The following FILIP1L variants were observed in gnomAD, a reference collection of about 807,000 sequenced individuals.
FILIP1L encodes the protein filamin A interacting protein 1 like, also known as filamin A-interacting protein 1-like.
A neutral mutation model predicts 96.6 loss-of-function variants in FILIP1L; 55 were observed. That is an observed-to-expected ratio of 0.57 (90% CI 0.46 to 0.71). FILIP1L has a LOEUF of 0.71. FILIP1L is among the 30% of genes least tolerant of loss of function. The pLI is 0.00. For synonymous variants in FILIP1L, 467 were observed against 473.9 expected (o/e 0.99, Z 0.19); for missense variants, 1,304 against 1,321.2 (o/e 0.99, Z 0.20).
chr3:100,036,911 A>C (rs1485032557), intron 1 of FILIP1L, among the ~76,000 whole-genome samples: 1 of 152,184 alleles, frequency 6.6e-6, no homozygotes, highest in African/African-American at 2.4e-5. Flanking sequence ...CCAAATATGC[A>C]TAATTAATTT....
At chr3:100,094,840 C>T (rs2066175896) in intron 1 of FILIP1L, among the ~76,000 whole-genome samples, 2 of 151,960 alleles carry the variant, frequency 1.3e-5, no homozygotes, top group South Asian at 4.1e-4. Flanking sequence ...CCTGCCACCA[C>T]ACCTGGCAAT....
chr3:100,069,761 T>A (rs2065728957), intron 1 of FILIP1L, among the ~76,000 whole-genome samples: 1 of 152,120 alleles, frequency 6.6e-6, no homozygotes, highest in Admixed American at 6.5e-5. Context: ...AATTTCAGAA[T>A]TTGTGGTAAG....
intron 1 of FILIP1L, among the ~76,000 whole-genome samples, chr3:99,951,995 A>G (rs1708189742): frequency 6.6e-6 from 1 of 152,054 alleles, no homozygotes; most frequent in Non-Finnish European, 1.5e-5. Context: ...CTGCCCCCAC[A>G]CCCTTAGTTG....
chr3:99,876,317 A>C, intron 4 of FILIP1L: 1 of 545,670 alleles, frequency 1.8e-6, no homozygotes, highest in Non-Finnish European at 2.3e-6. Context: ...CACACACCCC[A>C]GCTCCCGCGG....
intron 1 of FILIP1L, among the ~76,000 whole-genome samples, chr3:99,988,939 T>C (rs1365052312): frequency 6.6e-6 from 1 of 152,220 alleles, no homozygotes; most frequent in African/African-American, 2.4e-5. Context: ...TTTTCAAATT[T>C]CTGTACGGAA....
At chr3:100,016,447 A>G (rs1288731428) in intron 1 of FILIP1L, among the ~76,000 whole-genome samples, 7 of 152,138 alleles carry the variant, frequency 4.6e-5, no homozygotes, top group African/African-American at 1.7e-4. Flanking sequence ...CACCTCGGAA[A>G]GTGCTGGGAT....
intron 1 of FILIP1L, among the ~76,000 whole-genome samples, chr3:100,106,872 T>C (rs1264594863): frequency 1.3e-5 from 2 of 152,146 alleles, no homozygotes; most frequent in Non-Finnish European, 2.9e-5. Flanking sequence ...TTTTTAAAAA[T>C]ATGCAGAAAG....
At chr3:99,851,136 A>G in intron 4 of FILIP1L, 66 bp from the exon 5 acceptor site, 1 of 1,241,516 alleles carries the variant, frequency 8.1e-7, no homozygotes, top group South Asian at 1.6e-5. Context: ...ATGTACTTAA[A>G]TATATATGTA....
intron 4 of FILIP1L, among the ~76,000 whole-genome samples, chr3:99,883,406 T>C (rs1325714812): frequency 6.6e-6 from 1 of 152,204 alleles, no homozygotes; most frequent in Non-Finnish European, 1.5e-5. Flanking sequence ...ATTTTAGTCT[T>C]TTCACACCCT....
At chr3:99,882,465 A>T (rs920832512) in intron 4 of FILIP1L, among the ~76,000 whole-genome samples, 4 of 152,244 alleles carry the variant, frequency 2.6e-5, no homozygotes, top group Admixed American at 6.5e-5. Flanking sequence ...AAATGAACAA[A>T]TTAAGAGTAA....
intron 4 of FILIP1L, among the ~76,000 whole-genome samples, chr3:99,855,288 G>A (rs1039770993): frequency 4.6e-5 from 7 of 152,122 alleles, no homozygotes; most frequent in Non-Finnish European, 1.0e-4. Flanking sequence ...GCATACCATA[G>A]TTGGTGGGTC....
intron 1 of FILIP1L, among the ~76,000 whole-genome samples, chr3:99,989,680 ATATAT>A (rs991210049): frequency 1.4e-4 from 19 of 133,506 alleles, no homozygotes; most frequent in African/African-American, 6.0e-4. Context: ...ATATATATAT[ATATAT>A]TTTTTTTCTT....
At chr3:100,047,488 T>C (rs1004787438) in intron 1 of FILIP1L, among the ~76,000 whole-genome samples, 4 of 152,212 alleles carry the variant, frequency 2.6e-5, no homozygotes, top group African/African-American at 9.7e-5. Context: ...ATACCATTAT[T>C]ATTCATAACC....
At chr3:100,102,673 A>G (rs2066330251) in intron 1 of FILIP1L, among the ~76,000 whole-genome samples, 1 of 152,222 alleles carries the variant, frequency 6.6e-6, no homozygotes, top group Non-Finnish European at 1.5e-5. Context: ...CTTTGCATTC[A>G]GTAGTTACTC....
chr3:100,028,498 T>C (rs955320327), intron 1 of FILIP1L, among the ~76,000 whole-genome samples: 1 of 152,186 alleles, frequency 6.6e-6, no homozygotes, highest in Non-Finnish European at 1.5e-5. Flanking sequence ...TGGAGTATGA[T>C]TTAATTCACG....
chr3:99,895,382 T>C (rs946411965), intron 4 of FILIP1L, among the ~76,000 whole-genome samples: 1 of 151,822 alleles, frequency 6.6e-6, no homozygotes, highest in Admixed American at 6.6e-5. Flanking sequence ...CAGGACTTTT[T>C]TTTTTTTTTT....
At chr3:99,953,050 C>A (rs1708223131) in intron 1 of FILIP1L, among the ~76,000 whole-genome samples, 1 of 151,996 alleles carries the variant, frequency 6.6e-6, no homozygotes, top group African/African-American at 2.4e-5. Context: ...AGTGCCAGAA[C>A]TTTTTTAAAA....
At chr3:99,984,052 A>ATGTGTG (rs34256109) in intron 1 of FILIP1L, among the ~76,000 whole-genome samples, 1 of 151,166 alleles carries the variant, frequency 6.6e-6, no homozygotes. Flanking sequence ...ATGTATATGT[A>ATGTGTG]TGTGTGTTTG....
intron 1 of FILIP1L, among the ~76,000 whole-genome samples, chr3:100,050,498 A>T (rs115052516): frequency 6.6e-6 from 1 of 152,122 alleles, no homozygotes; most frequent in Non-Finnish European, 1.5e-5. Flanking sequence ...TTTTAGAGGC[A>T]TCTCTGTAAA....
Sources: allele counts gnomAD v4.1 joint callset (sites outside exome capture counted in the v4.1 genomes callset), GRCh38; gene constraint gnomAD v4.1.1; transcripts MANE v1.5; gene names NCBI Gene and HGNC (gene_info 2026-07-23, HGNC 2026-07-21).